The following RSPH9 variants were observed in gnomAD, a reference collection of about 807,000 sequenced individuals.
The protein encoded by RSPH9 is radial spoke head protein 9 homolog.
In RSPH9, 27 loss-of-function variants were observed where a neutral mutation model predicts 27.0. The ratio of observed to expected loss-of-function variants is 1.00; its 90% CI spans 0.74 to 1.38. RSPH9 has a LOEUF of 1.38. Among genes scored for constraint, RSPH9 ranks in the 40% most tolerant of loss-of-function variants. RSPH9 has a pLI of 0.00. For missense variants in RSPH9, 347 were observed against 357.4 expected (o/e 0.97, Z 0.24); for synonymous variants, 145 against 147.7 (o/e 0.98, Z 0.13).
chr6:43,666,556 A>G (rs757710421), intron 4 of RSPH9: 2 of 1,365,128 alleles, frequency 1.5e-6, no homozygotes, highest in South Asian at 1.3e-5. Flanking sequence ...CCCTTGGCCA[A>G]AGTGACAAGA....
At chr6:43,656,428 G>A in intron 3 of RSPH9, 149 bp from the exon 4 acceptor site, 1 of 926,006 alleles carries the variant, frequency 1.1e-6, no homozygotes, top group East Asian at 2.4e-5. Context: ...TTGGACTGAG[G>A]GAATGCTAAT....
At chr6:43,670,169 GC>G (rs1773564413) in intron 4 of RSPH9, among the ~76,000 whole-genome samples, 2 of 152,198 alleles carry the variant, frequency 1.3e-5, no homozygotes, top group Non-Finnish European at 2.9e-5. Flanking sequence ...ACTCCCCTCT[GC>G]CTGTGGATTG....
chr6:43,666,587 G>A (rs1773155461), intron 4 of RSPH9: 3 of 1,034,060 alleles, frequency 2.9e-6, no homozygotes, highest in Non-Finnish European at 4.3e-6. Context: ...CTGAAGAGAG[G>A]AGTGGGAGAG....
Position 43,655,549 on chromosome 6 carries a change from C to T in RSPH9, c.394-13C>T. 1 of 1,614,036 alleles carries T rather than the reference C, an allele frequency of 6.2e-7. No individual in the cohort carries two copies. Among genetic ancestry groups the T allele is most frequent in the Non-Finnish European group, 8.5e-7 (1 of 1,179,980 alleles). On this transcript the variant is annotated splice_polypyrimidine_tract_variant and intron_variant, in intron 2 of 4. Transcript: ENST00000372163. ...AGTGCCCTGGCAGGGGGGCTCCTCTCCTGTCTCCTCAGGTCCAGATCAAGG... is the reference window on the plus strand; with the variant it reads ...AGTGCCCTGGCAGGGGGGCTCCTCTTCTGTCTCCTCAGGTCCAGATCAAGG...
rs2277126 is a variant in RSPH9 at position 43,672,485 on chromosome 6, A to G, written c.*1536A>G. 0.072 allele frequency: 33,717 copies of G among 468,158 alleles called. 1,495 individuals are homozygous for G. Among genetic ancestry groups the G allele is most frequent in the Middle Eastern group, 0.14 (285 of 2,078 alleles). The allele number at this position is 468,158 out of a possible 1,614,324, so 29.0% of individuals were successfully genotyped here. A position where few individuals can be genotyped will look rare whatever the true frequency, so the allele number is the denominator to read the frequency against. Reference sequence around the variant, plus strand: ...GGGTGGGGAAAGATGGCTGCCGCCCATGGACCTTTGGCCTCCTTTGGGGAT... The same window carrying G: ...GGGTGGGGAAAGATGGCTGCCGCCCGTGGACCTTTGGCCTCCTTTGGGGAT... On this transcript the variant is annotated 3_prime_UTR_variant, in exon 5 of 5. Transcript: ENST00000372163.
At chr6:43,655,828 G>T in intron 3 of RSPH9, 137 bp downstream of exon 3, 1 of 1,059,170 alleles carries the variant, frequency 9.4e-7, no homozygotes. Flanking sequence ...CACCTGGGAG[G>T]GTGTGCCCAG....
chr6:43,655,188 A>G (rs11967462), intron 2 of RSPH9, among the ~76,000 whole-genome samples: 13,962 of 152,218 alleles, frequency 0.092, 1,473 homozygotes, highest in African/African-American at 0.26. Context: ...TATATTTTAA[A>G]AAGGCAAAAT....
At chr6:43,647,893 G>A (rs1474038582) in intron 1 of RSPH9, among the ~76,000 whole-genome samples, 1 of 152,146 alleles carries the variant, frequency 6.6e-6, no homozygotes, top group Non-Finnish European at 1.5e-5. Context: ...GTGTGTTCAG[G>A]GGGCAGGGAA....
intron 4 of RSPH9, among the ~76,000 whole-genome samples, chr6:43,661,826 G>A (rs1772662508): frequency 6.6e-6 from 1 of 152,110 alleles, no homozygotes; most frequent in African/African-American, 2.4e-5. Context: ...AGCATTTGCT[G>A]CTCCACTTTG....
Position 43,666,536 on chromosome 6 carries a change from C to T in RSPH9, c.671-4253C>T, listed in dbSNP as rs149634759. ...TGTCCATGAGGTAGGCCAACGACTC[C>T]GCATCTTGTCCCTTGGCCAAAGTGA... On this transcript the variant is annotated intron_variant, in intron 4 of 4. Coordinates refer to ENST00000372163, the MANE Select transcript of RSPH9 (RefSeq NM_152732.5). 72 of 1,503,398 alleles carry T rather than the reference C, an allele frequency of 4.8e-5. No individual in the cohort carries two copies. The Middle Eastern group carries it at 5.3e-4, about 11-fold the overall frequency. 93.1% of individuals were successfully genotyped at this position (1,503,398 alleles called of 1,614,324 possible).
At chr6:43,664,567 A>G (rs1469046982) in intron 4 of RSPH9, among the ~76,000 whole-genome samples, 2 of 152,338 alleles carry the variant, frequency 1.3e-5, no homozygotes, top group East Asian at 3.9e-4. Flanking sequence ...ACCAGGAATC[A>G]TGAGGCCATT....
chr6:43,666,377 A>C, intron 4 of RSPH9: 2 of 1,412,528 alleles, frequency 1.4e-6, no homozygotes, highest in Non-Finnish European at 9.8e-7. Flanking sequence ...GAGGGATGGG[A>C]TTTGGCAGCT....
At chr6:43,653,446 C>CAAAAA (rs79873267) in intron 2 of RSPH9, among the ~76,000 whole-genome samples, 3 of 75,488 alleles carry the variant, frequency 4.0e-5, no homozygotes, top group Admixed American at 1.4e-4. Context: ...GACTCCGTCT[C>CAAAAA]AAAAAAAAAA....
At chr6:43,645,597 G>C (rs1770771909) in intron 1 of RSPH9, among the ~76,000 whole-genome samples, 1 of 151,992 alleles carries the variant, frequency 6.6e-6, no homozygotes, top group African/African-American at 2.4e-5. Flanking sequence ...GATGTCCCCC[G>C]GAGGGCGGGG....
chr6:43,649,722 C>CT (rs1771250053), intron 1 of RSPH9, among the ~76,000 whole-genome samples: 1 of 152,090 alleles, frequency 6.6e-6, no homozygotes, highest in African/African-American at 2.4e-5. Context: ...AATGGTTGTG[C>CT]TGTTGACTCA....
intron 2 of RSPH9, among the ~76,000 whole-genome samples, chr6:43,651,349 G>T (rs1043248565): frequency 2.0e-5 from 3 of 152,022 alleles, no homozygotes; most frequent in African/African-American, 7.2e-5. Context: ...GGGAAGAGGG[G>T]GTGCTCTGTG....
chr6:43,655,437 A>G (rs1323074911), intron 2 of RSPH9, 125 bp from the exon 3 acceptor site: 2 of 1,007,278 alleles, frequency 2.0e-6, no homozygotes, highest in Non-Finnish European at 3.1e-6. Context: ...GCCCAGCGTG[A>G]TCTGTGTGGC....
intron 1 of RSPH9, among the ~76,000 whole-genome samples, chr6:43,646,111 C>T (rs768687051): frequency 1.5e-4 from 23 of 151,058 alleles, no homozygotes; most frequent in Non-Finnish European, 2.7e-4. Flanking sequence ...CGTGCCACCA[C>T]ACCTGGCTAT....
Position 43,655,671 on chromosome 6 carries a change from A to T in RSPH9, c.503A>T (p.His168Leu). The change falls in exon 3 of 5, where the codon CAT becomes CTT. Residue 168 changes from histidine (H) to leucine (L), a missense_variant. Transcript: ENST00000372163. ...TTCAAGACCCCTTTTGGACCCACCC[A>T]TGTCAATCGGACCTTTGAAGGTGAG... ...ALFKTPFGPT[H>L]VNRTFEGLSL... 1 of 1,614,202 alleles carries T rather than the reference A, an allele frequency of 6.2e-7. No homozygotes were observed. Among genetic ancestry groups the T allele is most frequent in the South Asian group, 1.1e-5 (1 of 91,088 alleles).
Sources: allele counts gnomAD v4.1 joint callset (sites outside exome capture counted in the v4.1 genomes callset), GRCh38; gene constraint gnomAD v4.1.1; transcripts MANE v1.5; gene names NCBI Gene and HGNC (gene_info 2026-07-23, HGNC 2026-07-21).